The following CNOT10 variants were observed in gnomAD, a reference collection of about 807,000 sequenced individuals.
CNOT10 encodes CCR4-NOT transcription complex, subunit 10.
CNOT10 carries 30 observed loss-of-function variants against 94.6 expected under a neutral mutation model. That is an observed-to-expected ratio of 0.32 (90% confidence interval 0.24 to 0.43). The LOEUF (loss-of-function observed/expected upper bound fraction) is 0.43. CNOT10 is among the 20% of genes least tolerant of loss of function. The pLI, the probability that CNOT10 is intolerant of heterozygous loss-of-function variation, is 1.00. For synonymous variants in CNOT10, 289 were observed against 301.6 expected (o/e 0.96, Z 0.43); for missense variants, 759 against 877.2 (o/e 0.87, Z 1.70).
chr3:32,747,755 C>T (rs1032972368), intron 13 of CNOT10, among the ~76,000 whole-genome samples: 15 of 152,142 alleles, frequency 9.9e-5, no homozygotes, highest in Non-Finnish European at 2.1e-4. Flanking sequence ...GGAGACCATC[C>T]TGGCCAACAT....
chr3:32,753,663 T>C (rs1184240138), intron 13 of CNOT10: 3 of 1,576,252 alleles, frequency 1.9e-6, no homozygotes, highest in Admixed American at 1.8e-5. Flanking sequence ...ATACAAGAAA[T>C]TGGGATAAAT....
chr3:32,705,409 A>G (rs1376773971), intron 3 of CNOT10, among the ~76,000 whole-genome samples: 1 of 152,126 alleles, frequency 6.6e-6, no homozygotes, highest in Non-Finnish European at 1.5e-5. Flanking sequence ...GTCTGGTGAT[A>G]ATGGCAATGT....
chr3:32,763,165 A>G (rs1193436760), intron 15 of CNOT10, among the ~76,000 whole-genome samples: 1 of 152,088 alleles, frequency 6.6e-6, no homozygotes, highest in Non-Finnish European at 1.5e-5. Context: ...GGGAGTAAAA[A>G]TATTGCATTC....
chr3:32,700,942 A>G (rs1697313431), intron 1 of CNOT10, among the ~76,000 whole-genome samples: 1 of 152,202 alleles, frequency 6.6e-6, no homozygotes, highest in African/African-American at 2.4e-5. Flanking sequence ...TCTTTTAAAA[A>G]CAAATGGCAA....
chr3:32,726,059 T>C (rs186207813), intron 9 of CNOT10, among the ~76,000 whole-genome samples: 50 of 152,172 alleles, frequency 3.3e-4, no homozygotes, highest in African/African-American at 9.6e-4. Flanking sequence ...ACCCTCCCAC[T>C]TCAGCCTCCT....
At chr3:32,736,714 G>T (rs763878918) in intron 12 of CNOT10, among the ~76,000 whole-genome samples, 5 of 152,106 alleles carry the variant, frequency 3.3e-5, no homozygotes, top group Non-Finnish European at 5.9e-5. Context: ...GTTTGAAGCT[G>T]CAGTGAGCTA....
At chr3:32,723,749 C>T (rs999094570) in intron 8 of CNOT10, among the ~76,000 whole-genome samples, 1 of 152,040 alleles carries the variant, frequency 6.6e-6, no homozygotes, top group East Asian at 1.9e-4. Context: ...ACATGTAAAA[C>T]AACTAGTAAC....
chr3:32,732,011 G>A (rs914087339), intron 10 of CNOT10, among the ~76,000 whole-genome samples: 5 of 152,050 alleles, frequency 3.3e-5, no homozygotes, highest in Admixed American at 2.0e-4. Context: ...CCTGGGAGGC[G>A]GAGGTTGCAG....
At chr3:32,716,902 G>A (rs575829854) in intron 6 of CNOT10, among the ~76,000 whole-genome samples, 24 of 152,156 alleles carry the variant, frequency 1.6e-4, no homozygotes, top group African/African-American at 5.5e-4. Context: ...CACCTGCCTC[G>A]GCCTCCAAAG....
intron 14 of CNOT10, among the ~76,000 whole-genome samples, chr3:32,760,615 C>CTCCA: frequency 6.6e-6 from 1 of 151,838 alleles, no homozygotes; most frequent in Non-Finnish European, 1.5e-5. Context: ...CGGAGTGACA[C>CTCCA]AGCAAGACTC....
chr3:32,709,654 C>T (rs531554884), intron 4 of CNOT10, among the ~76,000 whole-genome samples: 8 of 152,092 alleles, frequency 5.3e-5, no homozygotes, highest in Non-Finnish European at 1.2e-4. Flanking sequence ...TTCCCTCAAT[C>T]CTGAGAGCTT....
intron 9 of CNOT10, among the ~76,000 whole-genome samples, chr3:32,725,927 AGTTTTGTTTTGTTTTGTTTT>A (rs33937831): frequency 6.7e-6 from 1 of 149,696 alleles, no homozygotes; most frequent in Admixed American, 6.7e-5. Context: ...GGTTTATTAT[AGTTTTGTTTTGTTTTGTTTT>A]GTTTTGTTTT....
chr3:32,753,175 C>A, intron 13 of CNOT10: 1 of 645,336 alleles, frequency 1.5e-6, no homozygotes, highest in Non-Finnish European at 2.9e-6. Flanking sequence ...CATGTGAATA[C>A]TATGAAAAAA....
chr3:32,746,620 A>G (rs1000630337), intron 13 of CNOT10, among the ~76,000 whole-genome samples: 1 of 151,854 alleles, frequency 6.6e-6, no homozygotes, highest in Non-Finnish European at 1.5e-5. Flanking sequence ...GCAGATCATG[A>G]GGTCAGGAGA....
rs762561706 is a variant in CNOT10 at position 32,720,094 on chromosome 3, CTT to C, written c.745-17_745-16del. On this transcript the variant is annotated intron_variant, in intron 7 of 18. Coordinates refer to ENST00000328834, the MANE Select transcript of CNOT10 (RefSeq NM_015442.3). ...GCGTCTGAAAACAAATTATAAGTAACTTTTATATTTTCTCTACAGTCCGCACC... is the reference window on the plus strand; with the variant it reads ...GCGTCTGAAAACAAATTATAAGTAACTTATATTTTCTCTACAGTCCGCACC... 5 of 1,301,380 alleles carry C rather than the reference CTT, an allele frequency of 3.8e-6. No homozygotes were observed. Among genetic ancestry groups the C allele is most frequent in the South Asian group, 1.6e-5 (1 of 63,776 alleles). 80.6% of individuals were successfully genotyped at this position (1,301,380 alleles called of 1,614,324 possible).
At chr3:32,761,024 G>T (rs1434512120) in intron 14 of CNOT10, among the ~76,000 whole-genome samples, 1 of 152,050 alleles carries the variant, frequency 6.6e-6, no homozygotes, top group Non-Finnish European at 1.5e-5. Flanking sequence ...AGCTACTCGG[G>T]AGGCTGAGGC....
chr3:32,754,483 A>ATATAT (rs1393800228), intron 13 of CNOT10, among the ~76,000 whole-genome samples: 5 of 38,198 alleles, frequency 1.3e-4, no homozygotes, highest in African/African-American at 3.2e-4. Flanking sequence ...TCTCAAAAAA[A>ATATAT]AAAAAAATAC....
At chr3:32,755,594 C>T (rs1281570415) in intron 13 of CNOT10, among the ~76,000 whole-genome samples, 2 of 151,794 alleles carry the variant, frequency 1.3e-5, no homozygotes, top group Admixed American at 1.3e-4. Flanking sequence ...TGGATTTATC[C>T]TCATTTTAGC....
chr3:32,720,704 C>T (rs945449544), intron 8 of CNOT10, among the ~76,000 whole-genome samples: 22 of 152,124 alleles, frequency 1.4e-4, no homozygotes, highest in African/African-American at 4.8e-4. Context: ...AAGCTGGTCT[C>T]AAACTCCTGG....
Sources: gnomAD v4.1 joint callset for allele counts (sites outside exome capture counted in the v4.1 genomes callset) on GRCh38, gnomAD v4.1.1 for gene constraint, MANE v1.5 for transcripts, NCBI Gene and HGNC (gene_info 2026-07-23, HGNC 2026-07-21) for gene names.